RGPD4: variants seen among roughly 807,000 people sequenced by gnomAD.
RGPD4 encodes RANBP2 like and GRIP domain containing 4, also known as ranBP2-like and GRIP domain-containing protein 4.
RGPD4 carries 84 observed loss-of-function variants against 141.1 expected under a neutral mutation model. That is an observed-to-expected ratio of 0.60 (90% CI 0.50 to 0.71). RGPD4 has a LOEUF of 0.71. Among genes scored for constraint, RGPD4 ranks in the 30% least tolerant of loss-of-function variants. The pLI, the probability that RGPD4 is intolerant of heterozygous loss-of-function variation, is 0.00. For missense variants in RGPD4, 918 were observed against 1,622.4 expected (o/e 0.57, Z 7.46); for synonymous variants, 298 against 566.8 (o/e 0.53, Z 6.74).
At chr2:107,845,317 C>A (rs1681885594) in intron 6 of RGPD4, among the ~76,000 whole-genome samples, 1 of 126,344 alleles carries the variant, frequency 7.9e-6, no homozygotes, top group Non-Finnish European at 1.6e-5. Flanking sequence ...CGGCTCACTG[C>A]AAGCTTCACA....
rs572139827 is a variant in RGPD4, at chr2:107,888,986, G to C, written c.5267-1735G>C. Among the ~76,000 whole-genome samples the C allele has an allele frequency of 6.5e-3, 884 of 135,420 alleles. 5 individuals are homozygous for C. Among genetic ancestry groups the C allele is most frequent in the Non-Finnish European group, 0.011 (697 of 65,148 alleles). The allele number at this position is 135,420 out of a possible 152,430, so 88.8% of individuals were successfully genotyped here. A position where few individuals can be genotyped will look rare whatever the true frequency, so the allele number is the denominator to read the frequency against. ...TAAGGTACTAAGTTTGTAGTAATTT[G>C]TTACGCAGCAGATTGTAAATAACAC... On this transcript the variant is annotated intron_variant, in intron 22 of 22. Transcript: ENST00000408999.
intron 9 of RGPD4, among the ~76,000 whole-genome samples, chr2:107,858,660 G>A (rs1418896538): frequency 4.0e-5 from 6 of 150,734 alleles, no homozygotes; most frequent in South Asian, 4.2e-4. Context: ...GGCTGGTCTC[G>A]AACTCCTGAC....
rs747496870 is a variant in RGPD4 at position 107,859,554 on chromosome 2, T to C, written c.1634T>C (p.Val545Ala). 10 of 1,611,382 alleles carry C rather than the reference T, an allele frequency of 6.2e-6. No individual in the cohort carries two copies. In the African/African-American group the frequency reaches 1.3e-4, roughly 22 times the overall value. Reference sequence around the variant, plus strand: ...TGTACTCTGATTCACAGAAAAGCAGTGTAAGTAGTAAAACAAAAATATTGC... The same window carrying C: ...TGTACTCTGATTCACAGAAAAGCAGCGTAAGTAGTAAAACAAAAATATTGC... Reference protein sequence around the residue: ...AVCTLIHRKAVPGNSAKLRLL... With the variant: ...AVCTLIHRKAAPGNSAKLRLL... The change falls in exon 11 of 23, where the codon GTA becomes GCA. Residue 545 changes from valine (V) to alanine (A), a missense_variant and splice_region_variant. Physicochemically the swap from Val to Ala is moderately conservative, Grantham distance 64. Coordinates refer to ENST00000408999, the MANE Select transcript of RGPD4 (RefSeq NM_182588.3).
Position 107,886,897 on chromosome 2 carries a change from G to A in RGPD4, c.5267-3824G>A, listed in dbSNP as rs535946199. On this transcript the variant is annotated intron_variant, in intron 22 of 22. Coordinates refer to ENST00000408999, the MANE Select transcript of RGPD4 (RefSeq NM_182588.3). The stretch of plus-strand genomic sequence containing the variant: ...TTTTCATTCAGGTTGCTACCTATTA[G>A]TGGATGGTGAAATTAATTTGGTGGA... Among the ~76,000 whole-genome samples the A allele has an allele frequency of 1.7e-4, 26 of 151,812 alleles. No homozygotes were observed. In the South Asian group the frequency reaches 5.2e-3, roughly 30 times the overall value.
intron 7 of RGPD4, among the ~76,000 whole-genome samples, chr2:107,854,026 G>T (rs1201989273): frequency 1.4e-5 from 2 of 147,764 alleles, no homozygotes; most frequent in African/African-American, 2.5e-5. Flanking sequence ...TGGGATTACA[G>T]GTGTGAGCCA....
Position 107,871,170 on chromosome 2 carries a change from G to A in RGPD4, c.3166G>A (p.Gly1056Ser), listed in dbSNP as rs1397376488. ...AGTAGAACTTGTAATAGGAGAAGAA[G>A]GTGAAAAAGTTCTGTATTCACAGGG... ...EKVELVIGEE[G>S]EKVLYSQGVK... The change falls in exon 20 of 23, where the codon GGT becomes AGT. Residue 1056 changes from glycine (G) to serine (S), a missense_variant. By Grantham distance (56) the Gly-to-Ser change is moderately conservative (BLOSUM62 0). Coordinates refer to ENST00000408999, the MANE Select transcript of RGPD4 (RefSeq NM_182588.3). The A allele has an allele frequency of 1.2e-6, 2 of 1,610,188 alleles. No homozygotes were observed. Among genetic ancestry groups the A allele is most frequent in the Non-Finnish European group, 1.7e-6 (2 of 1,179,700 alleles).
chr2:107,858,407 T>A (rs1415259144), intron 9 of RGPD4, among the ~76,000 whole-genome samples: 2 of 140,340 alleles, frequency 1.4e-5, no homozygotes, highest in African/African-American at 5.8e-5. Context: ...CCTTTTCTTT[T>A]CTTTTCTTTT....
rs1284668729 is a variant in RGPD4, at chr2:107,857,927, TGCAGTGA to T, written c.1276+961_1276+967del. Among the ~76,000 whole-genome samples the T allele has an allele frequency of 1.3e-5, 2 of 151,968 alleles. 1 individual carries two copies. The highest frequency in any genetic ancestry group is 4.9e-5 in the African/African-American group (2 of 41,190). Reference sequence around the variant, plus strand: ...TCGCTTCAACCTGGGAGGTGGAGGTTGCAGTGAGCCAAGATGACACTGCTGCACTACA... The same window carrying T: ...TCGCTTCAACCTGGGAGGTGGAGGTTGCCAAGATGACACTGCTGCACTACA... On this transcript the variant is annotated intron_variant, in intron 9 of 22. Coordinates refer to ENST00000408999, the MANE Select transcript of RGPD4 (RefSeq NM_182588.3).
intron 17 of RGPD4, among the ~76,000 whole-genome samples, chr2:107,865,934 C>T (rs1420967107): frequency 7.6e-6 from 1 of 132,192 alleles, no homozygotes; most frequent in South Asian, 2.7e-4. Flanking sequence ...GCCTGGCGTG[C>T]TGGCTGACAC....
intron 11 of RGPD4, 81 bp from the exon 12 acceptor site, chr2:107,859,641 T>G: frequency 6.2e-7 from 1 of 1,611,430 alleles, no homozygotes. Context: ...TAATTTGTCA[T>G]GTGACCCATT....
intron 22 of RGPD4, among the ~76,000 whole-genome samples, chr2:107,886,054 CAAA>C (rs199917332): frequency 2.4e-4 from 31 of 126,950 alleles, no homozygotes; most frequent in Non-Finnish European, 2.8e-4. Flanking sequence ...ACTCTTATCT[CAAA>C]AAAAAAAAAA....
intron 20 of RGPD4, among the ~76,000 whole-genome samples, chr2:107,878,399 G>GA (rs542327369): frequency 0.13 from 16,755 of 131,532 alleles, 1,812 homozygotes; most frequent in Non-Finnish European, 0.2. Flanking sequence ...AGAAGGCATG[G>GA]GACAACTGAT....
chr2:107,884,253 G>C lies in RGPD4; in HGVS notation c.5266+1380G>C, dbSNP rs192011118. Among the ~76,000 whole-genome samples, 1,200 of 152,028 alleles carry C rather than the reference G, an allele frequency of 7.9e-3. 9 individuals are homozygous for C. The highest frequency in any genetic ancestry group is 0.025 in the African/African-American group (1,056 of 41,458). On this transcript the variant is annotated intron_variant, in intron 22 of 22. Coordinates refer to ENST00000408999, the MANE Select transcript of RGPD4 (RefSeq NM_182588.3). ...GGCCTCCCAAGTAGCTGGGACTACA[G>C]ATGCACGCCAGCTAATTTTTCTATT...
intron 20 of RGPD4, among the ~76,000 whole-genome samples, chr2:107,878,723 G>T (rs1343668906): frequency 1.2e-5 from 1 of 86,738 alleles, no homozygotes; most frequent in Non-Finnish European, 2.4e-5. Flanking sequence ...TAGGCCATCT[G>T]CAGACTGAGG....
chr2:107,847,584 A>C (rs1681995751), intron 6 of RGPD4, among the ~76,000 whole-genome samples: 1 of 59,558 alleles, frequency 1.7e-5, no homozygotes, highest in Non-Finnish European at 3.5e-5. Flanking sequence ...GCACATTGGT[A>C]AGCTGAGGCG....
Position 107,860,798 on chromosome 2 carries a change from A to G in RGPD4, c.1791A>G (p.Arg597=). ...GTCTTAATTCTTTTTATGATCAACG[A>G]GAATACATAGGGAGAAGTGTTCATT... ...GSGLNSFYDQ[R]EYIGRSVHYW... Residue 597 remains arginine (R), a synonymous_variant, in exon 13 of 23, where the codon CGA becomes CGG. Coordinates refer to ENST00000408999, the MANE Select transcript of RGPD4 (RefSeq NM_182588.3). 3.7e-6 allele frequency: 6 copies of G among 1,610,146 alleles called. No homozygotes were observed. The highest frequency in any genetic ancestry group is 1.1e-5 in the South Asian group (1 of 90,750).
At position 107,826,977 on chromosome 2, in the gene RGPD4, T is replaced by C; in HGVS notation, c.-37T>C. 1 of 1,583,616 alleles carries C rather than the reference T, an allele frequency of 6.3e-7. No individual in the cohort carries two copies. Among genetic ancestry groups the C allele is most frequent in the Non-Finnish European group, 8.6e-7 (1 of 1,166,560 alleles). On this transcript the variant is annotated 5_prime_UTR_variant, in exon 1 of 23. Coordinates refer to ENST00000408999, the MANE Select transcript of RGPD4 (RefSeq NM_182588.3). Reference sequence around the variant, plus strand: ...TGGCGACTGCTGCGGGGCTGAGCGCTGGTTTCACGCGTCTCGGGAGCCAGG... The same window carrying C: ...TGGCGACTGCTGCGGGGCTGAGCGCCGGTTTCACGCGTCTCGGGAGCCAGG...
At chr2:107,829,818 C>G (rs1252168067) in intron 1 of RGPD4, among the ~76,000 whole-genome samples, 1 of 152,090 alleles carries the variant, frequency 6.6e-6, no homozygotes, top group Non-Finnish European at 1.5e-5. Context: ...GTAGTACCCG[C>G]GCAGCCTGGT....
At chr2:107,829,411 G>A in intron 1 of RGPD4, among the ~76,000 whole-genome samples, 1 of 34,712 alleles carries the variant, frequency 2.9e-5, no homozygotes, top group African/African-American at 8.5e-5. Context: ...GGCTACCGAC[G>A]GGCGCTGCTC....
Sources: gnomAD v4.1 joint callset for allele counts (sites outside exome capture counted in the v4.1 genomes callset) on GRCh38, gnomAD v4.1.1 for gene constraint, MANE v1.5 for transcripts, NCBI Gene and HGNC (gene_info 2026-07-23, HGNC 2026-07-21) for gene names.